The following VCL variants were observed in gnomAD, a reference collection of about 807,000 sequenced individuals.
The protein encoded by VCL is epididymis luminal protein 114.
Under a neutral mutation model 125.7 loss-of-function variants are expected in VCL, and 47 were observed. The ratio of observed to expected loss-of-function variants is 0.37; its 90% CI spans 0.30 to 0.48. VCL has a LOEUF of 0.48. Ranked by LOEUF, VCL falls within the 20% of genes least tolerant of loss-of-function variation. VCL has a pLI of 0.99. For missense variants in VCL, 1,069 were observed against 1,455.5 expected, an observed-to-expected ratio of 0.73 and a Z score of 4.32; for synonymous variants, 458 against 514.6, an observed-to-expected ratio of 0.89 and a Z score of 1.49.
At chr10:74,015,593 T>C (rs1393166030) in intron 1 of VCL, among the ~76,000 whole-genome samples, 1 of 152,164 alleles carries the variant, frequency 6.6e-6, no homozygotes, top group Admixed American at 6.5e-5. Flanking sequence ...GTTCTTCCAG[T>C]TTGCTAATTC....
intron 1 of VCL, among the ~76,000 whole-genome samples, chr10:74,035,256 CTTT>C (rs1170159869): frequency 2.1e-5 from 3 of 139,852 alleles, no homozygotes; most frequent in African/African-American, 2.6e-5. Context: ...TTTTTTCTTT[CTTT>C]TTTTTTTTTT....
chr10:74,035,256 C>CTTTTTTTTTTTTT (rs1170159869), intron 1 of VCL, among the ~76,000 whole-genome samples: 1 of 139,864 alleles, frequency 7.1e-6, no homozygotes, highest in Non-Finnish European at 1.6e-5. Flanking sequence ...TTTTTTCTTT[C>CTTTTTTTTTTTTT]TTTTTTTTTT....
At chr10:74,057,618 G>A (rs909190168) in intron 2 of VCL, among the ~76,000 whole-genome samples, 1 of 152,014 alleles carries the variant, frequency 6.6e-6, no homozygotes, top group East Asian at 1.9e-4. Flanking sequence ...TGTAGTCACA[G>A]GAAAAAAAGA....
chr10:74,076,063 A>G (rs1210695365), intron 6 of VCL: 10 of 152,482 alleles, frequency 6.6e-5, no homozygotes, highest in Admixed American at 5.2e-4. Context: ...TGACTTCTTT[A>G]TGCATCTTTT....
At chr10:74,036,228 G>A (rs994715365) in intron 1 of VCL, among the ~76,000 whole-genome samples, 2 of 152,052 alleles carry the variant, frequency 1.3e-5, no homozygotes, top group Admixed American at 6.6e-5. Context: ...TTTAGACGGA[G>A]TTTTGCTTTT....
intron 8 of VCL, among the ~76,000 whole-genome samples, chr10:74,086,682 G>C (rs142814494): frequency 3.3e-5 from 5 of 152,308 alleles, no homozygotes; most frequent in African/African-American, 4.8e-5. Context: ...AGTTATTGTA[G>C]GGGTTCCACC....
At chr10:74,019,932 G>A (rs1244842072) in intron 1 of VCL, among the ~76,000 whole-genome samples, 5 of 151,902 alleles carry the variant, frequency 3.3e-5, no homozygotes, top group East Asian at 3.9e-4. Flanking sequence ...GCGTGGTGGC[G>A]GGCGCCTGTA....
At position 74,118,358 on chromosome 10, in the gene VCL, T is replaced by C; in HGVS notation, c.*189T>C. 1.4e-6 allele frequency: 1 copy of C among 719,372 alleles called. No homozygotes were observed. Among genetic ancestry groups the C allele is most frequent in the Non-Finnish European group, 2.4e-6 (1 of 422,436 alleles). The allele number at this position is 719,372 out of a possible 1,614,324, so 44.6% of individuals were successfully genotyped here. Reference sequence around the variant, plus strand: ...CTTTTTTCATGGACACTTTGAAATGTGTTTCTGTATAAAGCCTGTATTCTC... The same window carrying C: ...CTTTTTTCATGGACACTTTGAAATGCGTTTCTGTATAAAGCCTGTATTCTC... On this transcript the variant is annotated 3_prime_UTR_variant, in exon 22 of 22. Coordinates refer to ENST00000211998, the MANE Select transcript of VCL (RefSeq NM_014000.3).
At chr10:74,019,042 G>T (rs770774877) in intron 1 of VCL, among the ~76,000 whole-genome samples, 15 of 151,970 alleles carry the variant, frequency 9.9e-5, no homozygotes, top group Non-Finnish European at 1.9e-4. Context: ...ATAGTCCCTT[G>T]ATGGTTGTAG....
chr10:74,004,726 A>G (rs1421121764), intron 1 of VCL, among the ~76,000 whole-genome samples: 1 of 150,054 alleles, frequency 6.7e-6, no homozygotes, highest in Non-Finnish European at 1.5e-5. Flanking sequence ...TTTTTTTGAG[A>G]CGGAGTCTCA....
At chr10:74,066,892 GA>G (rs1424114667) in intron 2 of VCL, among the ~76,000 whole-genome samples, 1 of 151,880 alleles carries the variant, frequency 6.6e-6, no homozygotes, top group African/African-American at 2.4e-5. Context: ...GGCTGGTTTC[GA>G]ACTCCTGACC....
intron 6 of VCL, among the ~76,000 whole-genome samples, chr10:74,080,925 G>A (rs886678682): frequency 1.4e-4 from 22 of 152,150 alleles, no homozygotes; most frequent in African/African-American, 4.8e-4. Flanking sequence ...TGAAGGCAAC[G>A]TTTTCTGCAC....
intron 14 of VCL, among the ~76,000 whole-genome samples, chr10:74,101,541 A>ATTT (rs1840056363): frequency 3.6e-5 from 4 of 112,362 alleles, no homozygotes; most frequent in African/African-American, 8.0e-5. Context: ...ACTATTTATT[A>ATTT]GTTTTTTTTT....
At chr10:74,096,321 C>T (rs1178432641) in intron 12 of VCL, among the ~76,000 whole-genome samples, 1 of 151,742 alleles carries the variant, frequency 6.6e-6, no homozygotes, top group Non-Finnish European at 1.5e-5. Flanking sequence ...TCACTGCACT[C>T]CAGCCTGGGT....
intron 1 of VCL, among the ~76,000 whole-genome samples, chr10:74,020,401 A>C (rs1055557558): frequency 2.0e-5 from 3 of 152,202 alleles, no homozygotes; most frequent in African/African-American, 7.2e-5. Context: ...CCACCTAGAG[A>C]GATGCTGCAA....
chr10:74,016,524 T>A (rs1840542917), intron 1 of VCL, among the ~76,000 whole-genome samples: 1 of 152,044 alleles, frequency 6.6e-6, no homozygotes, highest in African/African-American at 2.4e-5. Flanking sequence ...GGTGGGAGGA[T>A]TGCTTGAGCT....
intron 1 of VCL, among the ~76,000 whole-genome samples, chr10:74,040,053 A>G (rs1841063949): frequency 6.6e-6 from 1 of 152,068 alleles, no homozygotes; most frequent in South Asian, 2.1e-4. Flanking sequence ...GTTCTTGCCT[A>G]GCTCTTTCAT....
At chr10:74,036,911 CTT>C (rs1028807069) in intron 1 of VCL, among the ~76,000 whole-genome samples, 6 of 144,824 alleles carry the variant, frequency 4.1e-5, no homozygotes, top group Admixed American at 6.9e-5. Flanking sequence ...TTTTCTTTTT[CTT>C]TTTTTTTTTT....
At chr10:74,085,478 T>A (rs1238847283) in intron 8 of VCL, among the ~76,000 whole-genome samples, 1 of 152,226 alleles carries the variant, frequency 6.6e-6, no homozygotes, top group Non-Finnish European at 1.5e-5. Context: ...CATGATTATT[T>A]ATTCGGATTC....
Sources: gnomAD v4.1 joint callset for allele counts (sites outside exome capture counted in the v4.1 genomes callset) on GRCh38, gnomAD v4.1.1 for gene constraint, MANE v1.5 for transcripts, NCBI Gene and HGNC (gene_info 2026-07-23, HGNC 2026-07-21) for gene names.